KLHL1: variants seen among roughly 807,000 people sequenced by gnomAD.
KLHL1 encodes the protein kelch like family member 1.
A neutral mutation model predicts 77.7 loss-of-function variants in KLHL1; 47 were observed. The ratio of observed to expected loss-of-function variants is 0.60; its 90% CI spans 0.48 to 0.77. KLHL1 has a LOEUF of 0.77. Among genes scored for constraint, KLHL1 ranks in the 30% least tolerant of loss-of-function variants. The probability of loss-of-function intolerance (pLI) is 0.00; values close to 1 mark genes in which losing one functional copy is unlikely to be tolerated. For synonymous variants in KLHL1, 360 were observed against 325.2 expected (o/e 1.11, Z -1.15); for missense variants, 925 against 910.8 (o/e 1.02, Z -0.20).
intron 4 of KLHL1, among the ~76,000 whole-genome samples, chr13:69,939,336 C>CATATATAT: frequency 2.1e-5 from 1 of 48,516 alleles, no homozygotes; most frequent in African/African-American, 9.2e-5. Flanking sequence ...TATACATATA[C>CATATATAT]ATACATATAT....
chr13:70,044,147 C>T (rs1324552192), intron 1 of KLHL1, among the ~76,000 whole-genome samples: 1 of 152,134 alleles, frequency 6.6e-6, no homozygotes, highest in Non-Finnish European at 1.5e-5. Context: ...CTTATCTCTT[C>T]TCTTACTACT....
chr13:69,760,716 CT>C (rs1200164158), intron 7 of KLHL1, among the ~76,000 whole-genome samples: 2 of 151,988 alleles, frequency 1.3e-5, no homozygotes, highest in Non-Finnish European at 2.9e-5. Flanking sequence ...TTTATAAAGA[CT>C]TTTTTCAGGA....
chr13:69,768,763 T>G (rs1469199785), intron 7 of KLHL1, among the ~76,000 whole-genome samples: 1 of 152,188 alleles, frequency 6.6e-6, no homozygotes, highest in Non-Finnish European at 1.5e-5. Flanking sequence ...AGTTATTTCT[T>G]GACTGAATTG....
intron 8 of KLHL1, among the ~76,000 whole-genome samples, chr13:69,732,668 T>C (rs559486518): frequency 1.4e-4 from 21 of 149,686 alleles, no homozygotes; most frequent in Middle Eastern, 3.4e-3. Flanking sequence ...TTTTTTTTTT[T>C]CCTGTGAGTG....
chr13:70,092,356 T>G (rs1887688901), intron 1 of KLHL1, among the ~76,000 whole-genome samples: 1 of 152,180 alleles, frequency 6.6e-6, no homozygotes, highest in Non-Finnish European at 1.5e-5. Context: ...ATGACTTTGT[T>G]CATGTTGCTT....
intron 1 of KLHL1, among the ~76,000 whole-genome samples, chr13:70,033,711 C>A (rs2137369785): frequency 6.8e-6 from 1 of 147,300 alleles, no homozygotes; most frequent in African/African-American, 2.5e-5. Context: ...CCTCCACCTC[C>A]CGGGTTCAAG....
chr13:69,787,298 G>T (rs891986262), intron 7 of KLHL1, among the ~76,000 whole-genome samples: 5 of 152,118 alleles, frequency 3.3e-5, no homozygotes, highest in African/African-American at 9.7e-5. Context: ...CATGGTACTG[G>T]TACCAAAACA....
At chr13:69,897,889 C>A (rs1259858084) in intron 4 of KLHL1, among the ~76,000 whole-genome samples, 1 of 152,156 alleles carries the variant, frequency 6.6e-6, no homozygotes, top group Non-Finnish European at 1.5e-5. Context: ...TTATCTGTAC[C>A]ATTCCCTGTG....
chr13:69,997,688 A>T (rs1202546283), intron 1 of KLHL1, among the ~76,000 whole-genome samples: 1 of 147,356 alleles, frequency 6.8e-6, no homozygotes, highest in Non-Finnish European at 1.5e-5. Flanking sequence ...TTACTTATAT[A>T]TATAATATAA....
intron 6 of KLHL1, among the ~76,000 whole-genome samples, chr13:69,813,335 G>A (rs986858380): frequency 1.3e-5 from 2 of 151,552 alleles, no homozygotes; most frequent in Non-Finnish European, 2.9e-5. Context: ...GGGGTGGGGG[G>A]AGAGGGGAGG....
chr13:69,967,402 C>T (rs1319880782), intron 2 of KLHL1, among the ~76,000 whole-genome samples: 3 of 152,128 alleles, frequency 2.0e-5, no homozygotes. Context: ...CTAGAAGTAA[C>T]CTCTAACCAA....
intron 1 of KLHL1, among the ~76,000 whole-genome samples, chr13:70,010,682 G>A (rs1885511517): frequency 6.6e-6 from 1 of 151,926 alleles, no homozygotes; most frequent in South Asian, 2.1e-4. Context: ...CCTGAGGTCA[G>A]GAGTTTGAGA....
intron 6 of KLHL1, among the ~76,000 whole-genome samples, chr13:69,830,040 G>A (rs1878700474): frequency 6.7e-6 from 1 of 148,256 alleles, no homozygotes; most frequent in Non-Finnish European, 1.5e-5. Context: ...CAATAATACA[G>A]TGGGAAAAAA....
chr13:69,785,285 T>C (rs1191716765), intron 7 of KLHL1, among the ~76,000 whole-genome samples: 1 of 152,058 alleles, frequency 6.6e-6, no homozygotes, highest in African/African-American at 2.4e-5. Context: ...TGTAAAAGAA[T>C]AGAAATTATA....
chr13:70,043,964 T>C (rs1045938499), intron 1 of KLHL1, among the ~76,000 whole-genome samples: 1 of 152,228 alleles, frequency 6.6e-6, no homozygotes, highest in Non-Finnish European at 1.5e-5. Flanking sequence ...TTCACTGCAA[T>C]TCTTACTCAT....
At chr13:69,929,978 G>A (rs1371045857) in intron 4 of KLHL1, among the ~76,000 whole-genome samples, 3 of 151,778 alleles carry the variant, frequency 2.0e-5, no homozygotes, top group Middle Eastern at 3.2e-3. Context: ...TATCCTGCTC[G>A]CTCCAGCTGA....
At chr13:70,030,692 G>C (rs1429038497) in intron 1 of KLHL1, among the ~76,000 whole-genome samples, 2 of 152,008 alleles carry the variant, frequency 1.3e-5, no homozygotes, top group Non-Finnish European at 2.9e-5. Context: ...AACTAGAGAA[G>C]CAAGAGCAAA....
chr13:70,031,161 C>A (rs1294793358), intron 1 of KLHL1, among the ~76,000 whole-genome samples: 1 of 152,044 alleles, frequency 6.6e-6, no homozygotes, highest in Non-Finnish European at 1.5e-5. Context: ...TTGCACTGGC[C>A]AATGGAATGA....
At chr13:70,040,041 C>T (rs1338788295) in intron 1 of KLHL1, among the ~76,000 whole-genome samples, 1 of 152,132 alleles carries the variant, frequency 6.6e-6, no homozygotes, top group Admixed American at 6.5e-5. Context: ...CTTATGCCAA[C>T]ATTTCACCAG....
Sources: gnomAD v4.1 joint callset for allele counts (sites outside exome capture counted in the v4.1 genomes callset) on GRCh38, gnomAD v4.1.1 for gene constraint, MANE v1.5 for transcripts, NCBI Gene and HGNC (gene_info 2026-07-23, HGNC 2026-07-21) for gene names.